Variants in LPO observed in about 807,000 individuals in gnomAD.
The protein encoded by LPO is salivary peroxidase.
LPO carries 70 observed loss-of-function variants against 68.4 expected under a neutral mutation model. The observed-to-expected ratio is 1.02, with a 90% CI of 0.84 to 1.25. The LOEUF (loss-of-function observed/expected upper bound fraction) is 1.25, where lower values mean the gene tolerates loss of function less well. Among genes scored for constraint, LPO ranks in the 50% most tolerant of loss-of-function variants. The probability of loss-of-function intolerance (pLI) is 0.00; values close to 1 mark genes in which losing one functional copy is unlikely to be tolerated. For synonymous variants in LPO, 360 were observed against 357.6 expected (o/e 1.01, Z -0.08); for missense variants, 873 against 908.4 (o/e 0.96, Z 0.50).
chr17:58,248,406 C>T (rs1337637325), intron 4 of LPO, among the ~76,000 whole-genome samples: 1 of 151,968 alleles, frequency 6.6e-6, no homozygotes, highest in East Asian at 1.9e-4. Flanking sequence ...AGAGATGGCC[C>T]CCCGGAAGAA....
intron 9 of LPO, among the ~76,000 whole-genome samples, chr17:58,257,395 T>C (rs1464240742): frequency 6.6e-6 from 1 of 152,260 alleles, no homozygotes; most frequent in Non-Finnish European, 1.5e-5. Context: ...CATGCCATGT[T>C]TGTCTTTCTC....
rs2143959229 is a variant in LPO, at chr17:58,268,226, T to G, written c.*232T>G. On this transcript the variant is annotated 3_prime_UTR_variant, in exon 13 of 13. Transcript: ENST00000262290. The stretch of plus-strand genomic sequence containing the variant: ...CCTTTCTGTCAAGACTTAGCCCCGC[T>G]GAGATGCCCTTCTGCTCCAGCTTGC... 7.3e-6 allele frequency: 4 copies of G among 547,430 alleles called. No homozygotes were observed. In the South Asian group the frequency reaches 8.3e-5, roughly 11 times the overall value. 33.9% of individuals were successfully genotyped at this position (547,430 alleles called of 1,614,324 possible).
At chr17:58,246,793 C>T (rs940962490) in intron 3 of LPO, among the ~76,000 whole-genome samples, 17 of 152,304 alleles carry the variant, frequency 1.1e-4, no homozygotes, top group Middle Eastern at 3.4e-3. Context: ...GGGGGCCCTA[C>T]ATTCATTCCT....
At chr17:58,266,049 A>G in intron 10 of LPO, 104 bp from the exon 11 acceptor site, 1 of 1,129,064 alleles carries the variant, frequency 8.9e-7, no homozygotes, top group African/African-American at 1.5e-5. Flanking sequence ...CAGGTGACCC[A>G]CATTCAACTA....
At chr17:58,265,773 C>T (rs574263712) in intron 10 of LPO, among the ~76,000 whole-genome samples, 2 of 151,428 alleles carry the variant, frequency 1.3e-5, no homozygotes, top group African/African-American at 4.8e-5. Context: ...TTTTCAGAGG[C>T]GGGGTTTTGC....
At position 58,242,977 on chromosome 17, in the gene LPO, G is replaced by A. The variant is rs374161501; in HGVS notation, c.-2-1G>A. ...CAGTGTGATCCTGCATCTCGTTTCA[G>A]TGATGAGGGTCCTTCTCCATCTCCC... On this transcript the variant is annotated splice_acceptor_variant, in intron 1 of 12. Transcript: ENST00000262290. LOFTEE classifies it low-confidence loss of function (5UTR_SPLICE). The A allele has an allele frequency of 3.7e-6, 6 of 1,613,784 alleles. No homozygotes were observed. The African/African-American group carries it at 8.0e-5, about 22-fold the overall frequency.
In LPO at chr17:58,266,308, C is replaced by G. The variant is rs758234859; in HGVS notation, c.1675C>G (p.Arg559Gly). ...DLAAINTQRC[R>G]DHGQPGYNSW... ...GGCTGCCATCAACACACAGCGTTGC[C>G]GGGACCATGGGCAACCTGGTGAGTG... is the stretch of plus-strand genomic sequence containing the variant. The change falls in exon 11 of 13, where the codon CGG (arginine) becomes GGG (glycine). Residue 559 changes from arginine (R) to glycine (G), a missense_variant. Transcript: ENST00000262290. 1 of 1,613,924 alleles carries G rather than the reference C, an allele frequency of 6.2e-7. No homozygotes were observed. Among genetic ancestry groups the G allele is most frequent in the Non-Finnish European group, 8.5e-7 (1 of 1,180,042 alleles).
At chr17:58,245,758 C>A (rs145338230) in intron 3 of LPO, among the ~76,000 whole-genome samples, 1 of 152,134 alleles carries the variant, frequency 6.6e-6, no homozygotes, top group African/African-American at 2.4e-5. Flanking sequence ...GAGGGACGTG[C>A]CCAGTATTTC....
intron 4 of LPO, among the ~76,000 whole-genome samples, chr17:58,248,822 T>C (rs1398097063): frequency 1.3e-5 from 2 of 152,232 alleles, no homozygotes; most frequent in African/African-American, 2.4e-5. Context: ...TTACTCTGTG[T>C]GGCCTTGGGC....
In LPO at chr17:58,266,281, C is replaced by T. The variant is rs1455399631; in HGVS notation, c.1648C>T (p.Leu550=). The T allele has an allele frequency of 6.2e-7, 1 of 1,614,146 alleles. No individual in the cohort carries two copies. Among genetic ancestry groups the T allele is most frequent in the Admixed American group, 1.7e-5 (1 of 60,028 alleles). ...QPTHRIHGFD[L]AAINTQRCRD... ...AACTCACAGGATCCATGGCTTTGAC[C>T]TGGCTGCCATCAACACACAGCGTTG... Residue 550 remains leucine (L), a synonymous_variant, in exon 11 of 13, where the codon CTG becomes TTG. Coordinates refer to ENST00000262290, the MANE Select transcript of LPO (RefSeq NM_006151.3).
chr17:58,266,452 G>T (rs922948737), intron 11 of LPO, 126 bp downstream of exon 11: 13 of 1,056,144 alleles, frequency 1.2e-5, no homozygotes, highest in Non-Finnish European at 1.7e-5. Context: ...AGTCAGGCCA[G>T]TTTTTTTTGT....
chr17:58,268,105 C>T lies in LPO; in HGVS notation c.*111C>T, dbSNP rs1970310341. On this transcript the variant is annotated 3_prime_UTR_variant, in exon 13 of 13. Coordinates refer to ENST00000262290, the MANE Select transcript of LPO (RefSeq NM_006151.3). ...TCCCAGTCCCAGCCCTTCTTTGCAG[C>T]TGGGCCTCTCTATACCCCTGGATGA... 3 of 1,139,088 alleles carry T rather than the reference C, an allele frequency of 2.6e-6. No homozygotes were observed. The highest frequency in any genetic ancestry group is 2.1e-5 in the Admixed American group (1 of 47,256). 70.6% of individuals were successfully genotyped at this position (1,139,088 alleles called of 1,614,324 possible). A position where few individuals can be genotyped will look rare whatever the true frequency, so the allele number is the denominator to read the frequency against.
At chr17:58,262,102 GTTC>G (rs1385230837) in intron 9 of LPO, among the ~76,000 whole-genome samples, 2 of 152,148 alleles carry the variant, frequency 1.3e-5, no homozygotes, top group African/African-American at 2.4e-5. Flanking sequence ...CCATTACATT[GTTC>G]TTCTTTCCTT....
At chr17:58,240,966 A>G (rs1242629067) in intron 1 of LPO, among the ~76,000 whole-genome samples, 1 of 152,098 alleles carries the variant, frequency 6.6e-6, no homozygotes, top group African/African-American at 2.4e-5. Context: ...TTCAATGGGT[A>G]TAGGGTTTCA....
rs747807727 is a variant in LPO at position 58,247,487 on chromosome 17, C to T, written c.174C>T (p.Thr58=). The change falls in exon 4 of 13, where the codon ACC becomes ACT. Residue 58 remains threonine (T), a synonymous_variant. Coordinates refer to ENST00000262290, the MANE Select transcript of LPO (RefSeq NM_006151.3). The part of the protein sequence containing the change: ...AFLDSRTRLK[T]AMSSETPTSR... ...TCTCCCTCCACTGTAGGCTGAAGAC[C>T]GCCATGAGCTCTGAGACTCCCACCA... is the stretch of plus-strand genomic sequence containing the variant. The T allele has an allele frequency of 2.0e-5, 33 of 1,613,388 alleles. No individual in the cohort carries two copies. The highest frequency in any genetic ancestry group is 1.7e-4 in the Middle Eastern group (1 of 6,026).
At chr17:58,249,302 C>A in intron 5 of LPO, 125 bp downstream of exon 5, 2 of 896,792 alleles carry the variant, frequency 2.2e-6, no homozygotes, top group Admixed American at 2.6e-5. Context: ...CTGGCGTTCC[C>A]ACCTTCCCCA....
At position 58,242,906 on chromosome 17, in the gene LPO, G is replaced by A. The variant is rs1285512906; in HGVS notation, c.-2-72G>A. ...GTCTGGTGCTCCTTTGGCTTTCTCT[G>A]CTTTCTGTGGTTCAAACCCTCCCAC... On this transcript the variant is annotated intron_variant, in intron 1 of 12. Coordinates refer to ENST00000262290, the MANE Select transcript of LPO (RefSeq NM_006151.3). 2.3e-6 allele frequency: 3 copies of A among 1,330,734 alleles called. No homozygotes were observed. The African/African-American group carries it at 4.4e-5, about 19-fold the overall frequency. The allele number at this position is 1,330,734 out of a possible 1,614,324, so 82.4% of individuals were successfully genotyped here. A position where few individuals can be genotyped will look rare whatever the true frequency, so the allele number is the denominator to read the frequency against.
At chr17:58,260,897 T>C (rs2143935553) in intron 9 of LPO, among the ~76,000 whole-genome samples, 2 of 152,334 alleles carry the variant, frequency 1.3e-5, no homozygotes, top group East Asian at 3.9e-4. Context: ...AACCTATGTA[T>C]AATTTAGAAG....
Position 58,266,258 on chromosome 17 carries a change from C to T in LPO, c.1625C>T (p.Thr542Ile). Residue 542 changes from threonine (T) to isoleucine (I), a missense_variant, in exon 11 of 13, where the codon ACT becomes ATT. By Grantham distance (89) the Thr-to-Ile change is moderately conservative. Transcript: ENST00000262290. ...CTGCGCAACAAGCTTTTCCAGCCAA[C>T]TCACAGGATCCATGGCTTTGACCTG... ...GELRNKLFQP[T>I]HRIHGFDLAA... 3 of 1,614,184 alleles carry T rather than the reference C, an allele frequency of 1.9e-6. No homozygotes were observed. The highest frequency in any genetic ancestry group is 2.5e-6 in the Non-Finnish European group (3 of 1,180,046).
Sources: gnomAD v4.1 joint callset for allele counts (sites outside exome capture counted in the v4.1 genomes callset) on GRCh38, gnomAD v4.1.1 for gene constraint, MANE v1.5 for transcripts, NCBI Gene and HGNC (gene_info 2026-07-23, HGNC 2026-07-21) for gene names.